Variants in SSBP3 observed in about 807,000 individuals in gnomAD.
SSBP3 encodes the protein single-stranded DNA-binding protein 3.
A neutral mutation model predicts 69.6 loss-of-function variants in SSBP3; 5 were observed. The observed-to-expected ratio is 0.07, with a 90% CI of 0.04 to 0.15. SSBP3 has a LOEUF of 0.15. Among genes scored for constraint, SSBP3 ranks in the 10% least tolerant of loss-of-function variants. SSBP3 has a pLI of 1.00. For missense variants in SSBP3, 312 were observed against 534.0 expected, an observed-to-expected ratio of 0.58 and a Z score of 4.10; for synonymous variants, 196 against 193.4, an observed-to-expected ratio of 1.01 and a Z score of -0.11.
At chr1:54,377,898 T>A (rs1443553229) in intron 4 of SSBP3, among the ~76,000 whole-genome samples, 1 of 152,216 alleles carries the variant, frequency 6.6e-6, no homozygotes, top group Non-Finnish European at 1.5e-5. Flanking sequence ...TTACATGTTA[T>A]CTGCTATATT....
At position 54,228,496 on chromosome 1, in the gene SSBP3, C is replaced by T; in HGVS notation, c.1007-19G>A. 1 of 1,614,172 alleles carries T rather than the reference C, an allele frequency of 6.2e-7. No individual in the cohort carries two copies. ...CCTGACCCTGGAAAGAAAAAATAAT[C>T]CAATTCAGTTTCTTGCTTGCTCTTC... On this transcript the variant is annotated intron_variant, in intron 15 of 17. Coordinates refer to ENST00000610401, the Ensembl canonical transcript of SSBP3.
rs150728417 is a variant in SSBP3, at chr1:54,291,930, T to C, written c.277-10403A>G. 1.1e-4 allele frequency among the ~76,000 whole-genome samples: 17 copies of C among 152,298 alleles called. No individual in the cohort carries two copies. In the East Asian group the frequency reaches 2.9e-3, roughly 26 times the overall value. The stretch of plus-strand genomic sequence containing the variant: ...GCACCAGTGCTGCCAATGGGGAACC[T>C]TGTCTGGAGCCCCTGGAAGGCTGCT... On this transcript the variant is annotated intron_variant, in intron 4 of 17. Coordinates refer to ENST00000610401, the Ensembl canonical transcript of SSBP3.
chr1:54,305,462 C>T (rs1254078829), intron 4 of SSBP3, among the ~76,000 whole-genome samples: 1 of 152,124 alleles, frequency 6.6e-6, no homozygotes, highest in East Asian at 1.9e-4. Context: ...GCAGAAAGTT[C>T]ACCTAACTGA....
exon 18 of SSBP3, chr1:54,225,979 A>G (rs886371274): frequency 6.6e-6 from 1 of 152,258 alleles, no homozygotes; most frequent in Non-Finnish European, 1.5e-5. Context: ...AAGGACGAAT[A>G]AAGAGAAAAA....
At chr1:54,233,331 G>C (rs1644418006) in intron 14 of SSBP3, among the ~76,000 whole-genome samples, 1 of 150,370 alleles carries the variant, frequency 6.7e-6, no homozygotes, top group South Asian at 2.1e-4. Context: ...GGGAGGTGAG[G>C]AGCGTCTCTG....
rs1006308017 is a variant in SSBP3 at position 54,364,129 on chromosome 1, T to C, written c.276+37732A>G. Among the ~76,000 whole-genome samples, 9 of 152,344 alleles carry C rather than the reference T, an allele frequency of 5.9e-5. No individual in the cohort carries two copies. In the East Asian group the frequency reaches 1.4e-3, roughly 23 times the overall value. The stretch of plus-strand genomic sequence containing the variant: ...CCAAGGGCCTTACTTATACCACCTG[T>C]ATTTGTAAATAAAGTTTTATTGGGA... On this transcript the variant is annotated intron_variant, in intron 4 of 17. Coordinates refer to ENST00000610401, the Ensembl canonical transcript of SSBP3.
At chr1:54,308,392 G>A (rs1362714385) in intron 4 of SSBP3, among the ~76,000 whole-genome samples, 1 of 152,094 alleles carries the variant, frequency 6.6e-6, no homozygotes, top group Non-Finnish European at 1.5e-5. Flanking sequence ...ATGAGGTCAG[G>A]AGATCGAGAC....
At chr1:54,291,266 A>C (rs927839427) in intron 4 of SSBP3, among the ~76,000 whole-genome samples, 1 of 152,214 alleles carries the variant, frequency 6.6e-6, no homozygotes, top group African/African-American at 2.4e-5. Flanking sequence ...GTGGGGACCA[A>C]GTCACTTTCC....
chr1:54,241,059 CA>C, intron 12 of SSBP3, 100 bp from the exon 13 acceptor site: 1 of 1,323,576 alleles, frequency 7.6e-7, no homozygotes, highest in Non-Finnish European at 1.0e-6. Context: ...CTGCTCGCCC[CA>C]GGCCCAGCCG....
chr1:54,344,289 A>G lies in SSBP3; in HGVS notation c.276+57572T>C, dbSNP rs77226915. On this transcript the variant is annotated intron_variant, in intron 4 of 17. Transcript: ENST00000610401. Reference sequence around the variant, plus strand: ...ATCTAATTTCCTTCACAGTGAACATATATCATATACATCCACTGGAAAGAA... The same window carrying G: ...ATCTAATTTCCTTCACAGTGAACATGTATCATATACATCCACTGGAAAGAA... 6.2e-3 allele frequency among the ~76,000 whole-genome samples: 942 copies of G among 152,344 alleles called. 15 individuals are homozygous for G. The highest frequency in any genetic ancestry group is 0.02 in the African/African-American group (847 of 41,578).
intron 9 of SSBP3, 25 bp downstream of exon 9, chr1:54,251,591 G>T: frequency 6.5e-7 from 1 of 1,549,930 alleles, no homozygotes; most frequent in African/African-American, 1.4e-5. Flanking sequence ...CCAGGGAGAC[G>T]GACGGACAGA....
chr1:54,284,245 G>A (rs573615723), intron 4 of SSBP3, among the ~76,000 whole-genome samples: 1 of 150,476 alleles, frequency 6.6e-6, no homozygotes, highest in Admixed American at 6.7e-5. Context: ...ATTAACCAAC[G>A]AAATAACAGG....
rs547062033 is a variant in SSBP3 at position 54,307,817 on chromosome 1, T to C, written c.277-26290A>G. On this transcript the variant is annotated intron_variant, in intron 4 of 17. Transcript: ENST00000610401. ...ATGGCAACGTCAGCAAGTTACCCTA[T>C]ATGGTCTAAAAAGGGGAGGCATGAA... is the stretch of plus-strand genomic sequence containing the variant. 4.8e-5 allele frequency among the ~76,000 whole-genome samples: 7 copies of C among 145,086 alleles called. No individual in the cohort carries two copies. In the South Asian group the frequency reaches 1.4e-3, roughly 29 times the overall value.
Position 54,366,504 on chromosome 1 carries a change from G to C in SSBP3, c.276+35357C>G, listed in dbSNP as rs547971076. 4.7e-4 allele frequency among the ~76,000 whole-genome samples: 71 copies of C among 152,294 alleles called. 1 individual carries two copies. In the South Asian group the frequency reaches 0.014, roughly 29 times the overall value. On this transcript the variant is annotated intron_variant, in intron 4 of 17. Transcript: ENST00000610401. ...TAAATTCTGGTTTGCTGAAATTAAA[G>C]TAAACTAGGGGCCTTCATTCAGAAC... is the stretch of plus-strand genomic sequence containing the variant.
intron 4 of SSBP3, among the ~76,000 whole-genome samples, chr1:54,311,340 A>C (rs1420430262): frequency 1.3e-5 from 2 of 152,148 alleles, no homozygotes; most frequent in Non-Finnish European, 2.9e-5. Flanking sequence ...AGAAGGAGAG[A>C]GGCAGCAGTG....
intron 5 of SSBP3, among the ~76,000 whole-genome samples, chr1:54,277,514 T>C (rs536705288): frequency 6.6e-6 from 1 of 152,296 alleles, no homozygotes; most frequent in Non-Finnish European, 1.5e-5. Context: ...TAGACTCTGA[T>C]TACAGCCCCT....
intron 4 of SSBP3, among the ~76,000 whole-genome samples, chr1:54,372,981 T>TA (rs1489990336): frequency 6.6e-6 from 1 of 152,196 alleles, no homozygotes; most frequent in Non-Finnish European, 1.5e-5. Flanking sequence ...GATGTTTTTG[T>TA]AAAAAATGCA....
At chr1:54,299,052 C>A (rs1029601413) in intron 4 of SSBP3, among the ~76,000 whole-genome samples, 3 of 152,008 alleles carry the variant, frequency 2.0e-5, no homozygotes, top group Non-Finnish European at 4.4e-5. Context: ...GCTGGGGGTT[C>A]AGTCCCACTG....
intron 4 of SSBP3, among the ~76,000 whole-genome samples, chr1:54,352,147 C>A (rs1646790044): frequency 6.6e-6 from 1 of 151,798 alleles, no homozygotes; most frequent in Non-Finnish European, 1.5e-5. Context: ...CAAACAACAA[C>A]AACAACCAAA....
Sources: allele counts gnomAD v4.1 joint callset (sites outside exome capture counted in the v4.1 genomes callset), GRCh38; gene constraint gnomAD v4.1.1; transcripts MANE v1.5; gene names NCBI Gene and HGNC (gene_info 2026-07-23, HGNC 2026-07-21).